The following FBXL20 variants were observed in gnomAD, a reference collection of about 807,000 sequenced individuals.
FBXL20 encodes the protein F-box and leucine rich repeat protein 20.
In FBXL20, 11 loss-of-function variants were observed where a neutral mutation model predicts 64.0. The observed-to-expected ratio is 0.17, with a 90% confidence interval of 0.11 to 0.28. The LOEUF is 0.28. Among genes scored for constraint, FBXL20 ranks in the 10% least tolerant of loss-of-function variants. The pLI, the probability that FBXL20 is intolerant of heterozygous loss-of-function variation, is 1.00. For synonymous variants in FBXL20, 184 were observed against 189.0 expected, an observed-to-expected ratio of 0.97 and a Z score of 0.22; for missense variants, 303 against 526.2, an observed-to-expected ratio of 0.58 and a Z score of 4.15.
At position 39,307,823 on chromosome 17, in the gene FBXL20, T is replaced by C. The variant is rs369509446; in HGVS notation, c.105-4184A>G. Among the ~76,000 whole-genome samples, 16 of 151,944 alleles carry C rather than the reference T, an allele frequency of 1.1e-4. No homozygotes were observed. In the East Asian group the frequency reaches 3.1e-3, roughly 30 times the overall value. On this transcript the variant is annotated intron_variant, in intron 2 of 14. Transcript: ENST00000264658. ...CTGTCTCTACTAATAATACAAAAACTAGCTGGGTGTGGTGGCAAGTGCCTG... is the reference window on the plus strand; with the variant it reads ...CTGTCTCTACTAATAATACAAAAACCAGCTGGGTGTGGTGGCAAGTGCCTG...
rs2046670243 is a variant in FBXL20 at position 39,253,694 on chromosome 17, T to C, written c.*7766A>G. 6.6e-6 allele frequency: 1 copy of C among 152,302 alleles called. No homozygotes were observed. The highest frequency in any genetic ancestry group is 1.5e-5 in the Non-Finnish European group (1 of 68,034). 9.4% of individuals were successfully genotyped at this position (152,302 alleles called of 1,614,324 possible). Reference sequence around the variant, plus strand: ...AAAAGCTCATCCCTTCCTGCACTATTAGAAATTAACAGTCATCAGAGAAGC... The same window carrying C: ...AAAAGCTCATCCCTTCCTGCACTATCAGAAATTAACAGTCATCAGAGAAGC... On this transcript the variant is annotated 3_prime_UTR_variant, in exon 15 of 15. Transcript: ENST00000264658.
At chr17:39,366,298 A>T (rs2047859206) in intron 1 of FBXL20, among the ~76,000 whole-genome samples, 1 of 152,140 alleles carries the variant, frequency 6.6e-6, no homozygotes, top group African/African-American at 2.4e-5. Flanking sequence ...TCTACTTTCT[A>T]GACTCTTTTC....
chr17:39,369,091 A>G (rs2047889719), intron 1 of FBXL20, among the ~76,000 whole-genome samples: 1 of 152,138 alleles, frequency 6.6e-6, no homozygotes, highest in African/African-American at 2.4e-5. Flanking sequence ...AAGAAAGGAA[A>G]TAGGTATATT....
chr17:39,329,344 G>A (rs2047438857), intron 2 of FBXL20, among the ~76,000 whole-genome samples: 1 of 152,120 alleles, frequency 6.6e-6, no homozygotes, highest in Non-Finnish European at 1.5e-5. Flanking sequence ...TCAATGTTGT[G>A]AAAGACAAAG....
At chr17:39,373,708 G>A (rs941359880) in intron 1 of FBXL20, among the ~76,000 whole-genome samples, 1 of 152,104 alleles carries the variant, frequency 6.6e-6, no homozygotes, top group Non-Finnish European at 1.5e-5. Flanking sequence ...GTCTTACTGT[G>A]TTCAATTTTG....
chr17:39,289,129 G>C (rs71369740), intron 6 of FBXL20, among the ~76,000 whole-genome samples: 7,902 of 152,130 alleles, frequency 0.052, 666 homozygotes, highest in African/African-American at 0.18. Flanking sequence ...TATGCTTATA[G>C]CACCAGCACA....
intron 2 of FBXL20, among the ~76,000 whole-genome samples, chr17:39,333,081 G>C (rs1228680446): frequency 2.0e-5 from 3 of 151,934 alleles, no homozygotes; most frequent in Non-Finnish European, 4.4e-5. Context: ...CAGATTATAG[G>C]CCTGAGTCAC....
intron 11 of FBXL20, 83 bp downstream of exon 11, chr17:39,270,713 C>T: frequency 8.4e-7 from 1 of 1,190,346 alleles, no homozygotes; most frequent in East Asian, 2.5e-5. Flanking sequence ...TTTCACATTT[C>T]CCTTGCTGCT....
chr17:39,340,309 C>A (rs1274228358), intron 2 of FBXL20, among the ~76,000 whole-genome samples: 1 of 152,048 alleles, frequency 6.6e-6, no homozygotes, highest in Non-Finnish European at 1.5e-5. Context: ...GTTGGCCAGG[C>A]TGGTCTCAAT....
At chr17:39,333,143 T>C (rs969349165) in intron 2 of FBXL20, among the ~76,000 whole-genome samples, 6 of 151,604 alleles carry the variant, frequency 4.0e-5, no homozygotes, top group African/African-American at 9.7e-5. Flanking sequence ...TCCCTCTCCC[T>C]CTCCCTCCTC....
At chr17:39,366,315 C>T (rs530637086) in intron 1 of FBXL20, among the ~76,000 whole-genome samples, 3 of 152,300 alleles carry the variant, frequency 2.0e-5, no homozygotes, top group African/African-American at 7.2e-5. Flanking sequence ...TTTCCCTCAA[C>T]TGCTCCAAAA....
At position 39,258,183 on chromosome 17, in the gene FBXL20, C is replaced by T. The variant is rs1411488411; in HGVS notation, c.*3277G>A. 2 of 152,092 alleles carry T rather than the reference C, an allele frequency of 1.3e-5. No individual in the cohort carries two copies. Among genetic ancestry groups the T allele is most frequent in the Admixed American group, 6.6e-5 (1 of 15,258 alleles). 9.4% of individuals were successfully genotyped at this position (152,092 alleles called of 1,614,324 possible). ...GAGGTTAGACAAACAGATCAATTAG[C>T]TTTTCCTGTAAAGAATTTTTCCTAC... is the stretch of plus-strand genomic sequence containing the variant. On this transcript the variant is annotated 3_prime_UTR_variant, in exon 15 of 15. Coordinates refer to ENST00000264658, the MANE Select transcript of FBXL20 (RefSeq NM_032875.3).
chr17:39,299,575 A>C (rs1056848176), intron 4 of FBXL20, among the ~76,000 whole-genome samples: 5 of 149,226 alleles, frequency 3.4e-5, no homozygotes, highest in African/African-American at 1.2e-4. Flanking sequence ...AGGTCAGGAG[A>C]TCAACACCAT....
intron 4 of FBXL20, among the ~76,000 whole-genome samples, chr17:39,299,703 C>T (rs985440971): frequency 1.3e-5 from 2 of 152,008 alleles, no homozygotes; most frequent in African/African-American, 4.8e-5. Context: ...ATGGCGTGAA[C>T]CCAGGAGACG....
chr17:39,296,487 G>A (rs1021125960), intron 6 of FBXL20, among the ~76,000 whole-genome samples: 2 of 149,340 alleles, frequency 1.3e-5, no homozygotes, highest in African/African-American at 5.0e-5. Flanking sequence ...TTCAAGCCAG[G>A]AGGCAGAGGT....
chr17:39,390,246 T>C (rs1357655032), intron 1 of FBXL20, among the ~76,000 whole-genome samples: 2 of 151,498 alleles, frequency 1.3e-5, no homozygotes, highest in African/African-American at 2.4e-5. Flanking sequence ...CATGGCGAAA[T>C]CCCATCTCTA....
At chr17:39,366,239 T>C (rs144742035) in intron 1 of FBXL20, among the ~76,000 whole-genome samples, 38 of 152,278 alleles carry the variant, frequency 2.5e-4, no homozygotes, top group Middle Eastern at 3.4e-3. Context: ...AAGCAGACAA[T>C]AGGACTATGG....
At chr17:39,330,963 T>C (rs2047454640) in intron 2 of FBXL20, among the ~76,000 whole-genome samples, 1 of 152,216 alleles carries the variant, frequency 6.6e-6, no homozygotes, top group African/African-American at 2.4e-5. Flanking sequence ...ATTACAATAC[T>C]AGGTACTATG....
At chr17:39,392,565 GCT>G (rs2048145037) in intron 1 of FBXL20, among the ~76,000 whole-genome samples, 1 of 152,062 alleles carries the variant, frequency 6.6e-6, no homozygotes, top group Admixed American at 6.6e-5. Context: ...TACAAAAAAT[GCT>G]CTACACTTAA....
Sources: allele counts gnomAD v4.1 joint callset (sites outside exome capture counted in the v4.1 genomes callset), GRCh38; gene constraint gnomAD v4.1.1; transcripts MANE v1.5; gene names NCBI Gene and HGNC (gene_info 2026-07-23, HGNC 2026-07-21).